The following FAM228B variants were observed in gnomAD, a reference collection of about 807,000 sequenced individuals.
FAM228B encodes the protein family with sequence similarity 228 member B.
Under a neutral mutation model 42.6 loss-of-function variants are expected in FAM228B, and 38 were observed. The ratio of observed to expected loss-of-function variants is 0.89; its 90% CI spans 0.69 to 1.17. The LOEUF (loss-of-function observed/expected upper bound fraction) is 1.17, where lower values mean the gene tolerates loss of function less well. Among genes scored for constraint, FAM228B ranks in the 50% most tolerant of loss-of-function variants. The pLI, the probability that FAM228B is intolerant of heterozygous loss-of-function variation, is 0.00. For missense variants in FAM228B, 344 were observed against 367.3 expected, an observed-to-expected ratio of 0.94 and a Z score of 0.52; for synonymous variants, 109 against 122.3, an observed-to-expected ratio of 0.89 and a Z score of 0.72.
chr2:24,116,074 A>C (rs2151002620), intron 3 of FAM228B, among the ~76,000 whole-genome samples: 1 of 152,222 alleles, frequency 6.6e-6, no homozygotes, highest in African/African-American at 2.4e-5. Context: ...CATATCTGTA[A>C]TCCCAGCACT....
At chr2:24,096,363 C>G (rs371156108) in intron 3 of FAM228B, 1 of 152,100 alleles carries the variant, frequency 6.6e-6, no homozygotes, top group African/African-American at 2.4e-5. Flanking sequence ...TTGAACCCAT[C>G]GCAAGGAAGT....
At chr2:24,151,106 A>G (rs1017232690) in intron 7 of FAM228B, among the ~76,000 whole-genome samples, 6 of 151,754 alleles carry the variant, frequency 4.0e-5, no homozygotes, top group African/African-American at 1.5e-4. Context: ...GATGTGCTTC[A>G]TTGTTTTTTA....
chr2:24,110,810 G>A (rs552511201), intron 3 of FAM228B, among the ~76,000 whole-genome samples: 13 of 152,338 alleles, frequency 8.5e-5, no homozygotes, highest in Admixed American at 2.0e-4. Context: ...TGTGGGTAGT[G>A]CGGGTAGCCT....
intron 3 of FAM228B, chr2:24,115,356 T>A: frequency 1.9e-6 from 1 of 539,046 alleles, no homozygotes. Flanking sequence ...AAATGATCAG[T>A]GCTCTCTCAT....
At chr2:24,131,590 A>G (rs549334658) in intron 2 of FAM228B, among the ~76,000 whole-genome samples, 65 of 152,222 alleles carry the variant, frequency 4.3e-4, no homozygotes, top group African/African-American at 1.5e-3. Flanking sequence ...CTTTATAGCA[A>G]TTGTGAATGA....
At chr2:24,168,763 G>A (rs1376087401) in intron 10 of FAM228B, among the ~76,000 whole-genome samples, 1 of 152,138 alleles carries the variant, frequency 6.6e-6, no homozygotes, top group Non-Finnish European at 1.5e-5. Context: ...GGGTATAATA[G>A]AAGGGCAGAG....
At chr2:24,162,293 T>C (rs1356661436) in intron 8 of FAM228B, among the ~76,000 whole-genome samples, 2 of 152,210 alleles carry the variant, frequency 1.3e-5, no homozygotes, top group African/African-American at 4.8e-5. Context: ...GTTACAATGT[T>C]GTACCTAGAG....
At chr2:24,145,090 C>G (rs1443096019) in intron 5 of FAM228B, among the ~76,000 whole-genome samples, 1 of 152,134 alleles carries the variant, frequency 6.6e-6, no homozygotes, top group Admixed American at 6.5e-5. Context: ...TGACCAGTGC[C>G]CAGGGGTTCA....
At chr2:24,119,702 G>T, upstream of FAM228B, 1 of 1,564,752 alleles carries the variant, frequency 6.4e-7, no homozygotes, top group South Asian at 1.1e-5. Context: ...GAATATAAGA[G>T]AATATTCTGC....
chr2:24,141,195 C>T (rs577166084), intron 5 of FAM228B, among the ~76,000 whole-genome samples: 2 of 152,108 alleles, frequency 1.3e-5, no homozygotes, highest in South Asian at 2.1e-4. Flanking sequence ...CTGCCTCAGC[C>T]TCCCGAGTAA....
intron 2 of FAM228B, chr2:24,083,070 G>A (rs773516702): frequency 6.2e-7 from 1 of 1,614,180 alleles, no homozygotes; most frequent in Non-Finnish European, 8.5e-7. Context: ...CTGGCAGCCA[G>A]GCCCCAGCTC....
intron 2 of FAM228B, among the ~76,000 whole-genome samples, chr2:24,131,153 T>C (rs896889350): frequency 7.9e-5 from 12 of 152,344 alleles, no homozygotes; most frequent in African/African-American, 2.4e-4. Context: ...TATGGTGTTA[T>C]TTCTGAGGTC....
intron 3 of FAM228B, among the ~76,000 whole-genome samples, chr2:24,104,410 T>C (rs1478492566): frequency 6.6e-6 from 1 of 152,204 alleles, no homozygotes; most frequent in African/African-American, 2.4e-5. Context: ...AAGGCTGCAG[T>C]TGCCATGCAT....
At chr2:24,124,708 C>T (rs1461811075) in intron 2 of FAM228B, among the ~76,000 whole-genome samples, 1 of 152,100 alleles carries the variant, frequency 6.6e-6, no homozygotes, top group Non-Finnish European at 1.5e-5. Context: ...TCTTGAGGTA[C>T]TGCCTTAGCT....
At chr2:24,123,749 CG>C (rs1022806797) in intron 1 of FAM228B, among the ~76,000 whole-genome samples, 1 of 151,654 alleles carries the variant, frequency 6.6e-6, no homozygotes, top group Non-Finnish European at 1.5e-5. Context: ...GGGAGGCCCC[CG>C]GCCCGGGGCT....
At chr2:24,137,002 G>A (rs115420482) in intron 3 of FAM228B, among the ~76,000 whole-genome samples, 1,601 of 152,152 alleles carry the variant, frequency 0.011, 19 homozygotes, top group South Asian at 0.046. Context: ...CAGATAGTTC[G>A]TATATGTGGA....
At chr2:24,136,206 T>G (rs1015082766) in intron 3 of FAM228B, among the ~76,000 whole-genome samples, 1 of 151,362 alleles carries the variant, frequency 6.6e-6, no homozygotes, top group Non-Finnish European at 1.5e-5. Context: ...GGATTACAGG[T>G]GTGAGCCACG....
At chr2:24,143,295 C>G (rs1292946058) in intron 5 of FAM228B, among the ~76,000 whole-genome samples, 1 of 152,006 alleles carries the variant, frequency 6.6e-6, no homozygotes, top group Non-Finnish European at 1.5e-5. Flanking sequence ...ATTCTCCTGC[C>G]TCAGCCTCCC....
intron 7 of FAM228B, among the ~76,000 whole-genome samples, chr2:24,155,174 ACT>A (rs1211181860): frequency 6.6e-6 from 1 of 152,086 alleles, no homozygotes; most frequent in Admixed American, 6.6e-5. Context: ...AATAGGTTTA[ACT>A]CTGATCATGT....
Sources: gnomAD v4.1 joint callset for allele counts (sites outside exome capture counted in the v4.1 genomes callset) on GRCh38, gnomAD v4.1.1 for gene constraint, MANE v1.5 for transcripts, NCBI Gene and HGNC (gene_info 2026-07-23, HGNC 2026-07-21) for gene names.